Variants in PSD3 observed in about 807,000 individuals in gnomAD.
The protein encoded by PSD3 is PH and SEC7 domain-containing protein 3.
PSD3 carries 49 observed loss-of-function variants against 105.5 expected under a neutral mutation model. The observed-to-expected ratio is 0.46, with a 90% CI of 0.37 to 0.59. The LOEUF (loss-of-function observed/expected upper bound fraction) is 0.59. Ranked by LOEUF, PSD3 falls within the 20% of genes least tolerant of loss-of-function variation. The probability of loss-of-function intolerance (pLI) is 0.00; values close to 1 mark genes in which losing one functional copy is unlikely to be tolerated. For missense variants in PSD3, 1,561 were observed against 1,263.8 expected (o/e 1.24, Z -3.57); for synonymous variants, 557 against 457.8 (o/e 1.22, Z -2.77).
At chr8:19,058,200 A>T (rs1828773612) in intron 1 of PSD3, among the ~76,000 whole-genome samples, 1 of 152,176 alleles carries the variant, frequency 6.6e-6, no homozygotes, top group Admixed American at 6.6e-5. Flanking sequence ...TGGGTTACGT[A>T]CTTTGTGGTT....
At chr8:19,022,594 C>A (rs1382684258) in intron 1 of PSD3, among the ~76,000 whole-genome samples, 3 of 152,192 alleles carry the variant, frequency 2.0e-5, no homozygotes, top group Non-Finnish European at 4.4e-5. Flanking sequence ...TGGGAAGAAG[C>A]AACCTCCATT....
At chr8:18,845,964 C>A (rs561064820) in intron 4 of PSD3, among the ~76,000 whole-genome samples, 1 of 152,142 alleles carries the variant, frequency 6.6e-6, no homozygotes, top group Non-Finnish European at 1.5e-5. Context: ...CAATACTGTT[C>A]GCCTAAATCA....
At chr8:19,042,290 C>A (rs961509830) in intron 1 of PSD3, among the ~76,000 whole-genome samples, 4 of 152,150 alleles carry the variant, frequency 2.6e-5, no homozygotes, top group Non-Finnish European at 5.9e-5. Context: ...GAATTACATT[C>A]TGCAAAATTG....
intron 4 of PSD3, among the ~76,000 whole-genome samples, chr8:18,863,210 A>C (rs1816583218): frequency 6.6e-6 from 1 of 152,232 alleles, no homozygotes; most frequent in South Asian, 2.1e-4. Context: ...GACAATATCC[A>C]GCTAATGGTC....
chr8:18,949,236 AAAAAAAAAATATATATATAT>A (rs1462303347), intron 1 of PSD3, among the ~76,000 whole-genome samples: 8 of 54,430 alleles, frequency 1.5e-4, no homozygotes, highest in Middle Eastern at 7.4e-3. Flanking sequence ...AAAAAAAAAA[AAAAAAAAAATATATATATAT>A]ATATATATAT....
chr8:18,573,289 G>A (rs996624789), intron 13 of PSD3, among the ~76,000 whole-genome samples: 10 of 152,116 alleles, frequency 6.6e-5, no homozygotes, highest in Non-Finnish European at 1.3e-4. Context: ...GGCCAACATG[G>A]TGAAACCCCA....
intron 1 of PSD3, among the ~76,000 whole-genome samples, chr8:18,952,391 C>T (rs778286577): frequency 3.6e-4 from 55 of 152,176 alleles, no homozygotes; most frequent in Admixed American, 1.0e-3. Flanking sequence ...AATAACAGAG[C>T]TCCAAATAAT....
rs144608019 is a variant in PSD3, at chr8:18,578,616, A to G, written c.2482-3331T>C. ...ACCAATTGGTAGCTATTACTATTGA[A>G]TGACTTAGACTGTCTCATTTGGAGC... On this transcript the variant is annotated intron_variant, in intron 12 of 15. Coordinates refer to ENST00000327040, the MANE Select transcript of PSD3 (RefSeq NM_015310.4). Among the ~76,000 whole-genome samples the G allele has an allele frequency of 3.3e-5, 5 of 152,232 alleles. No individual in the cohort carries two copies. The East Asian group carries it at 9.7e-4, about 29-fold the overall frequency.
chr8:18,919,006 C>G (rs1032137478), intron 2 of PSD3, among the ~76,000 whole-genome samples: 11 of 152,266 alleles, frequency 7.2e-5, no homozygotes, highest in African/African-American at 1.9e-4. Flanking sequence ...CTCCTTTCTA[C>G]AGATTAAGGT....
At chr8:18,749,537 G>A (rs997115053) in intron 9 of PSD3, among the ~76,000 whole-genome samples, 1 of 152,146 alleles carries the variant, frequency 6.6e-6, no homozygotes, top group Non-Finnish European at 1.5e-5. Context: ...AAGGCACACG[G>A]CAGATGGAAC....
intron 1 of PSD3, among the ~76,000 whole-genome samples, chr8:18,960,628 T>C (rs1016122780): frequency 2.0e-5 from 3 of 152,208 alleles, no homozygotes; most frequent in African/African-American, 7.2e-5. Context: ...AGATGGGAAG[T>C]AGTAAGTCAT....
At chr8:18,799,268 A>G (rs757027559) in intron 8 of PSD3, 27 bp downstream of exon 8, 56 of 1,562,840 alleles carry the variant, frequency 3.6e-5, no homozygotes, top group Non-Finnish European at 4.9e-5. Context: ...CATGTTTTGG[A>G]TCTAAGTTTC....
At chr8:18,705,129 T>A (rs1360870999) in intron 9 of PSD3, among the ~76,000 whole-genome samples, 1 of 152,112 alleles carries the variant, frequency 6.6e-6, no homozygotes, top group African/African-American at 2.4e-5. Context: ...CACAAAAACA[T>A]CTGCATTCAT....
chr8:18,834,113 CTAA>C (rs2129450671), intron 4 of PSD3, among the ~76,000 whole-genome samples: 1 of 152,296 alleles, frequency 6.6e-6, no homozygotes, highest in African/African-American at 2.4e-5. Flanking sequence ...GTTTCTCTCA[CTAA>C]TCCCTCTAAA....
chr8:18,738,513 A>T (rs548761272), intron 9 of PSD3, among the ~76,000 whole-genome samples: 32 of 152,296 alleles, frequency 2.1e-4, no homozygotes, highest in African/African-American at 7.7e-4. Context: ...CACATGCTAA[A>T]TAGAATCCAC....
chr8:19,081,914 T>G (rs1022219535), intron 1 of PSD3, among the ~76,000 whole-genome samples: 1 of 152,196 alleles, frequency 6.6e-6, no homozygotes, highest in African/African-American at 2.4e-5. Flanking sequence ...TTAATAAACA[T>G]AACTGAGCAC....
intron 9 of PSD3, among the ~76,000 whole-genome samples, chr8:18,747,864 AG>A (rs1450689189): frequency 6.6e-6 from 1 of 152,126 alleles, no homozygotes; most frequent in African/African-American, 2.4e-5. Context: ...TTCCTTTTGC[AG>A]GCCTCTAATC....
chr8:18,960,267 C>G (rs1193778362), intron 1 of PSD3, among the ~76,000 whole-genome samples: 1 of 152,078 alleles, frequency 6.6e-6, no homozygotes. Context: ...AGAGTGTGGT[C>G]TTTAATAGGT....
rs1799602436 is a variant in PSD3, at chr8:18,530,760, C to T, written c.*4983G>A. The stretch of plus-strand genomic sequence containing the variant: ...TATGCCCTTGGTATTGCACACAGTA[C>T]ACTGCAAAAGATTCACAAGGTTAGT... On this transcript the variant is annotated 3_prime_UTR_variant, in exon 16 of 16. Coordinates refer to ENST00000327040, the MANE Select transcript of PSD3 (RefSeq NM_015310.4). 1 of 151,156 alleles carries T rather than the reference C, an allele frequency of 6.6e-6. No homozygotes were observed. The highest frequency in any genetic ancestry group is 2.1e-4 in the South Asian group (1 of 4,760). The allele number at this position is 151,156 out of a possible 1,614,324, so 9.4% of individuals were successfully genotyped here. A position where few individuals can be genotyped will look rare whatever the true frequency, so the allele number is the denominator to read the frequency against.
Sources: allele counts gnomAD v4.1 joint callset (sites outside exome capture counted in the v4.1 genomes callset), GRCh38; gene constraint gnomAD v4.1.1; transcripts MANE v1.5; gene names NCBI Gene and HGNC (gene_info 2026-07-23, HGNC 2026-07-21).